Variants in SYN3 observed in about 807,000 individuals in gnomAD.
SYN3 encodes the protein synapsin-3.
SYN3 carries 35 observed loss-of-function variants against 65.8 expected under a neutral mutation model. The ratio of observed to expected loss-of-function variants is 0.53; its 90% confidence interval spans 0.41 to 0.70. The LOEUF is 0.70. Ranked by LOEUF, SYN3 falls within the 30% of genes least tolerant of loss-of-function variation. SYN3 has a pLI of 0.00. For synonymous variants in SYN3, 270 were observed against 292.9 expected (o/e 0.92, Z 0.80); for missense variants, 680 against 749.0 (o/e 0.91, Z 1.08).
chr22:32,562,291 T>C (rs2058597652), intron 7 of SYN3, among the ~76,000 whole-genome samples: 1 of 152,194 alleles, frequency 6.6e-6, no homozygotes, highest in Non-Finnish European at 1.5e-5. Context: ...TTTCCCACCT[T>C]CATTGCATGA....
At position 32,514,155 on chromosome 22, in the gene SYN3, G is replaced by T. The variant is rs558385682; in HGVS notation, c.1611-331C>A. 5.0e-3 allele frequency among the ~76,000 whole-genome samples: 758 copies of T among 152,328 alleles called. 3 individuals carry two copies. Among genetic ancestry groups the T allele is most frequent in the South Asian group, 0.015 (71 of 4,828 alleles). ...TGTTGAGGCAGCAGGCATTGCTGGAGAGTAGCTTGGCTGCTCTCCTGCCTA... is the reference window on the plus strand; with the variant it reads ...TGTTGAGGCAGCAGGCATTGCTGGATAGTAGCTTGGCTGCTCTCCTGCCTA... On this transcript the variant is annotated intron_variant, in intron 13 of 13. Transcript: ENST00000358763.
At chr22:32,565,149 GCTGCACCCAAACAGTGCTCTCGGA>G (rs200639719) in intron 7 of SYN3, among the ~76,000 whole-genome samples, 6,510 of 109,846 alleles carry the variant, frequency 0.059, 301 homozygotes, top group East Asian at 0.29. Context: ...GTGCTCCTGG[GCTGCACCCAAACAGTGCTCTCGGA>G]CTGCACCCAA....
intron 3 of SYN3, among the ~76,000 whole-genome samples, chr22:32,964,617 T>C (rs1269803053): frequency 1.3e-5 from 2 of 152,126 alleles, no homozygotes; most frequent in Non-Finnish European, 2.9e-5. Flanking sequence ...AGCAATGACC[T>C]ATTCAACTTT....
At chr22:32,598,517 A>G (rs2059235584) in intron 6 of SYN3, among the ~76,000 whole-genome samples, 1 of 151,820 alleles carries the variant, frequency 6.6e-6, no homozygotes, top group Admixed American at 6.6e-5. Flanking sequence ...ACAGAGTCTC[A>G]CTCTTTCGCT....
At chr22:32,757,263 T>C (rs1014161337) in intron 6 of SYN3, among the ~76,000 whole-genome samples, 1 of 151,152 alleles carries the variant, frequency 6.6e-6, no homozygotes, top group Non-Finnish European at 1.5e-5. Flanking sequence ...GGAGTTAAGA[T>C]TGCCATCTGG....
chr22:32,895,192 T>C (rs1459124057), intron 4 of SYN3, among the ~76,000 whole-genome samples: 2 of 152,110 alleles, frequency 1.3e-5, no homozygotes, highest in African/African-American at 4.8e-5. Context: ...GTGTGGGAAA[T>C]CAGTGAATGA....
intron 3 of SYN3, among the ~76,000 whole-genome samples, chr22:32,965,938 C>T (rs1024236565): frequency 1.3e-5 from 2 of 152,182 alleles, no homozygotes; most frequent in Non-Finnish European, 2.9e-5. Context: ...TTGTGATCTG[C>T]CCGCCTTGGC....
chr22:32,686,762 A>T (rs2060595486), intron 6 of SYN3, among the ~76,000 whole-genome samples: 1 of 151,340 alleles, frequency 6.6e-6, no homozygotes, highest in Non-Finnish European at 1.5e-5. Context: ...CGTCCATCTA[A>T]TTTTTTGTAT....
At chr22:32,824,022 T>C (rs1424575435) in intron 6 of SYN3, among the ~76,000 whole-genome samples, 1 of 152,140 alleles carries the variant, frequency 6.6e-6, no homozygotes, top group Non-Finnish European at 1.5e-5. Flanking sequence ...CTCACGCCTG[T>C]AATCCCAGCA....
chr22:32,988,346 T>TAATAATAATAAA (rs1050273077), intron 2 of SYN3, among the ~76,000 whole-genome samples: 13 of 136,070 alleles, frequency 9.6e-5, no homozygotes, highest in African/African-American at 2.3e-4. Flanking sequence ...ATAATAATAA[T>TAATAATAATAAA]AAAATAAATA....
chr22:32,892,363 G>C (rs549592189), intron 4 of SYN3, among the ~76,000 whole-genome samples: 158 of 152,238 alleles, frequency 1.0e-3, no homozygotes, highest in Non-Finnish European at 1.8e-3. Context: ...ACAAATACAC[G>C]CTCTGCACCT....
chr22:32,584,275 C>G (rs576920949), intron 7 of SYN3: 1 of 152,204 alleles, frequency 6.6e-6, no homozygotes, highest in African/African-American at 2.4e-5. Context: ...CATCATGACG[C>G]AATATCCACC....
intron 6 of SYN3, chr22:32,861,597 C>G (rs1218355595): frequency 1.3e-5 from 2 of 152,600 alleles, no homozygotes; most frequent in African/African-American, 4.8e-5. Flanking sequence ...CTCTCTCACA[C>G]AAGGAGGAAC....
chr22:32,658,073 G>C (rs2060166715), intron 6 of SYN3, among the ~76,000 whole-genome samples: 1 of 152,216 alleles, frequency 6.6e-6, no homozygotes, highest in Non-Finnish European at 1.5e-5. Context: ...GGACGTTAAA[G>C]CATGCTGAGG....
At position 33,007,559 on chromosome 22, in the gene SYN3, A is replaced by T. The variant is rs73162061; in HGVS notation, c.-162-735T>A. Among the ~76,000 whole-genome samples, 886 of 152,294 alleles carry T rather than the reference A, an allele frequency of 5.8e-3. 7 individuals are homozygous for T. Among genetic ancestry groups the T allele is most frequent in the South Asian group, 0.028 (137 of 4,818 alleles). On this transcript the variant is annotated intron_variant, in intron 1 of 13. Transcript: ENST00000358763. ...GGGTCATGAGGGTGTGGCCCACGCG[A>T]TGGAAGTACAGCCCTTATAAGAAAG...
intron 7 of SYN3, among the ~76,000 whole-genome samples, chr22:32,587,681 G>A (rs1402736244): frequency 6.6e-6 from 1 of 152,192 alleles, no homozygotes; most frequent in Non-Finnish European, 1.5e-5. Flanking sequence ...AGGGATCCGA[G>A]TCCAGGTCAC....
intron 6 of SYN3, among the ~76,000 whole-genome samples, chr22:32,690,494 G>C (rs2060647812): frequency 6.6e-6 from 1 of 152,182 alleles, no homozygotes; most frequent in Non-Finnish European, 1.5e-5. Flanking sequence ...GGATGGACCT[G>C]AGCCAGCTGT....
At chr22:32,580,164 G>A (rs370028986) in intron 7 of SYN3, among the ~76,000 whole-genome samples, 2 of 152,384 alleles carry the variant, frequency 1.3e-5, no homozygotes, top group East Asian at 3.9e-4. Context: ...CAGGCTCAGA[G>A]TTGAAGATGA....
intron 6 of SYN3, among the ~76,000 whole-genome samples, chr22:32,647,810 T>C (rs2060005476): frequency 6.6e-6 from 1 of 152,178 alleles, no homozygotes; most frequent in Non-Finnish European, 1.5e-5. Flanking sequence ...GGTTCCATCA[T>C]ATTGGCCAGG....
Sources: gnomAD v4.1 joint callset for allele counts (sites outside exome capture counted in the v4.1 genomes callset) on GRCh38, gnomAD v4.1.1 for gene constraint, MANE v1.5 for transcripts, NCBI Gene and HGNC (gene_info 2026-07-23, HGNC 2026-07-21) for gene names.